Variants in ABCA4 observed in about 807,000 individuals in gnomAD.
ABCA4 encodes the protein ATP binding cassette subfamily A member 4, also known as retinal-specific phospholipid-transporting ATPase ABCA4.
Under a neutral mutation model 263.7 loss-of-function variants are expected in ABCA4, and 196 were observed. The observed-to-expected ratio is 0.74, with a 90% CI of 0.66 to 0.84. The LOEUF (loss-of-function observed/expected upper bound fraction) is 0.84. ABCA4 is among the 40% of genes least tolerant of loss of function. The pLI, the probability that ABCA4 is intolerant of heterozygous loss-of-function variation, is 0.00. For missense variants in ABCA4, 2,792 were observed against 2,855.1 expected (o/e 0.98, Z 0.50); for synonymous variants, 1,133 against 1,094.2 (o/e 1.04, Z -0.70).
At chr1:94,015,875 G>A in intron 36 of ABCA4, 21 bp from the exon 37 acceptor site, 3 of 1,598,308 alleles carry the variant, frequency 1.9e-6, no homozygotes, top group Non-Finnish European at 2.6e-6. Flanking sequence ...GAAGAGGAGA[G>A]CAAGTCACTT....
intron 1 of ABCA4, among the ~76,000 whole-genome samples, chr1:94,118,044 G>A (rs953227396): frequency 6.6e-6 from 1 of 152,044 alleles, no homozygotes; most frequent in Non-Finnish European, 1.5e-5. Flanking sequence ...ATCCACGGGG[G>A]TCAGTGTGGT....
In ABCA4 at chr1:94,031,026, CA is replaced by C. The variant is rs1571264574; in HGVS notation, c.4222del (p.Trp1408GlyfsTer28). 1 of 1,614,034 alleles carries C rather than the reference CA, an allele frequency of 6.2e-7. No homozygotes were observed. The highest frequency in any genetic ancestry group is 1.1e-5 in the South Asian group (1 of 91,056). On this transcript the variant is annotated frameshift_variant, in exon 28 of 50. Coordinates refer to ENST00000370225, the MANE Select transcript of ABCA4 (RefSeq NM_000350.3). LOFTEE classifies it high-confidence loss of function. ...GAAGGTGTACTGCTGCCCATATATCCAGGGGTGAAGGGTCAAAGCGGGGTAT... is the reference window on the plus strand; with the variant it reads ...GAAGGTGTACTGCTGCCCATATATCCGGGGTGAAGGGTCAAAGCGGGGTAT... ...GEYPALTLHP[W>X]IYGQQYTFFS...
rs1659049005 is a variant in ABCA4, at chr1:93,997,799, A to G, written c.6729+62T>C. ...ATGCCTCCCTCTTATGGCAATTCCA[A>G]CCCACACTGGGTGTTCTGGACCAGT... is the stretch of plus-strand genomic sequence containing the variant. On this transcript the variant is annotated intron_variant, in intron 48 of 49. Transcript: ENST00000370225. 14 of 1,609,320 alleles carry G rather than the reference A, an allele frequency of 8.7e-6. 1 individual carries two copies. Among genetic ancestry groups the G allele is most frequent in the Middle Eastern group, 1.7e-4 (1 of 5,830 alleles).
intron 16 of ABCA4, among the ~76,000 whole-genome samples, chr1:94,054,438 T>C (rs1452803007): frequency 6.7e-6 from 1 of 150,302 alleles, no homozygotes; most frequent in Non-Finnish European, 1.5e-5. Context: ...GTAGATCTCT[T>C]CAGTCTGGAA....
At chr1:94,033,505 C>T (rs1375702162) in intron 26 of ABCA4, among the ~76,000 whole-genome samples, 4 of 151,728 alleles carry the variant, frequency 2.6e-5, no homozygotes, top group Admixed American at 2.6e-4. Flanking sequence ...TGGGAGCATG[C>T]TCTAGAAACC....
chr1:94,109,183 A>G (rs1362471313), intron 3 of ABCA4, among the ~76,000 whole-genome samples: 1 of 137,890 alleles, frequency 7.3e-6, no homozygotes, highest in East Asian at 2.3e-4. Context: ...TTGTACATAT[A>G]GGCTAACTGA....
At chr1:94,109,324 G>T (rs1178183543) in intron 3 of ABCA4, among the ~76,000 whole-genome samples, 1 of 152,162 alleles carries the variant, frequency 6.6e-6, no homozygotes, top group Non-Finnish European at 1.5e-5. Context: ...TCACTGGAGG[G>T]TTTATCCAGT....
Position 94,019,752 on chromosome 1 carries a change from T to A in ABCA4, c.5026A>T (p.Thr1676Ser), listed in dbSNP as rs753489583. The change falls in exon 36 of 50, where the codon ACT (threonine) becomes TCT (serine). Residue 1676 changes from threonine (T) to serine (S), a missense_variant. Physicochemically the swap from Thr to Ser is moderately conservative, Grantham distance 58. Coordinates refer to ENST00000370225, the MANE Select transcript of ABCA4 (RefSeq NM_000350.3). ...EQLSEITVLTTSVDAVVAICV... is the reference protein window; with the variant it reads ...EQLSEITVLTSSVDAVVAICV... ...ATGGCAACCACAGCATCCACTGAAG[T>A]GGTCAGCCTGCAGCAGGGCCAGAGA... 4 of 1,612,062 alleles carry A rather than the reference T, an allele frequency of 2.5e-6. No homozygotes were observed. The highest frequency in any genetic ancestry group is 2.7e-5 in the African/African-American group (2 of 74,968).
chr1:94,021,138 C>T (rs2101022617), intron 35 of ABCA4, 102 bp downstream of exon 35: 1 of 1,523,102 alleles, frequency 6.6e-7, no homozygotes, highest in Non-Finnish European at 9.1e-7. Flanking sequence ...AACAGCATTA[C>T]CATCCAAATC....
chr1:94,013,439 T>TGGCAGGGC, intron 38 of ABCA4, among the ~76,000 whole-genome samples: 1 of 152,190 alleles, frequency 6.6e-6, no homozygotes, highest in South Asian at 2.1e-4. Context: ...GAGGTGGGTG[T>TGGCAGGGC]GGCAGGGCAG....
At position 94,036,733 on chromosome 1, in the gene ABCA4, A is replaced by G. The variant is rs1464543803; in HGVS notation, c.3862+7T>C. ...AAGGGAACAAGCCACTGGCTCCAGC[A>G]CCATACCCGCAAACAGAGGTCCTGA... On this transcript the variant is annotated splice_region_variant and intron_variant, in intron 26 of 49. Coordinates refer to ENST00000370225, the MANE Select transcript of ABCA4 (RefSeq NM_000350.3). The G allele has an allele frequency of 2.5e-6, 4 of 1,613,940 alleles. No individual in the cohort carries two copies. The highest frequency in any genetic ancestry group is 2.7e-5 in the African/African-American group (2 of 74,910).
In ABCA4 at chr1:94,014,837, G is replaced by A. The variant is rs112347988; in HGVS notation, c.5313-147C>T. 873 of 1,029,218 alleles carry A rather than the reference G, an allele frequency of 8.5e-4. 9 individuals carry two copies. In the African/African-American group the frequency reaches 0.012, roughly 14 times the overall value. The allele number at this position is 1,029,218 out of a possible 1,614,324, so 63.8% of individuals were successfully genotyped here. A position where few individuals can be genotyped will look rare whatever the true frequency, so the allele number is the denominator to read the frequency against. On this transcript the variant is annotated intron_variant, in intron 37 of 49. Coordinates refer to ENST00000370225, the MANE Select transcript of ABCA4 (RefSeq NM_000350.3). The stretch of plus-strand genomic sequence containing the variant: ...AGGGGACCAGAGAGATACTCCATTT[G>A]TTGGTCTCTGTGCCTCAACTTTAAA...
intron 4 of ABCA4, among the ~76,000 whole-genome samples, chr1:94,106,522 A>T (rs1381405157): frequency 1.3e-5 from 2 of 152,098 alleles, no homozygotes; most frequent in African/African-American, 2.4e-5. Context: ...TACACAGGGG[A>T]AGGGGGATTT....
At chr1:94,074,122 C>T (rs1661476333) in intron 11 of ABCA4, among the ~76,000 whole-genome samples, 1 of 152,176 alleles carries the variant, frequency 6.6e-6, no homozygotes, top group South Asian at 2.1e-4. Context: ...AATTCTGAGC[C>T]AGTCGATCTG....
In ABCA4 at chr1:94,001,866, C is replaced by T; in HGVS notation, c.6274G>A (p.Val2092Met). The T allele has an allele frequency of 6.2e-7, 1 of 1,614,240 alleles. No homozygotes were observed. The highest frequency in any genetic ancestry group is 8.5e-7 in the Non-Finnish European group (1 of 1,180,042). Residue 2092 changes from valine to methionine, a missense_variant, in exon 45 of 50, where the codon GTG (valine) becomes ATG (methionine). Val to Met is a conservative substitution (Grantham distance 21). Transcript: ENST00000370225. Reference sequence around the variant, plus strand: ...CCCAAGCCCGCAGTTACCAGCAGCACCAGCGGTGGGCAGCCAATGAGTGCG... The same window carrying T: ...CCCAAGCCCGCAGTTACCAGCAGCATCAGCGGTGGGCAGCCAATGAGTGCG... Reference protein sequence around the residue: ...AIALIGCPPLVLLDEPTTGMD... With the variant: ...AIALIGCPPLMLLDEPTTGMD...
chr1:94,113,103 G>C (rs777016498), intron 1 of ABCA4, 37 bp from the exon 2 acceptor site: 2 of 1,588,414 alleles, frequency 1.3e-6, no homozygotes, highest in East Asian at 4.5e-5. Context: ...AAGTTCAGTG[G>C]TGCTAAGAGA....
intron 5 of ABCA4, among the ~76,000 whole-genome samples, chr1:94,102,722 T>C (rs1351191802): frequency 6.6e-6 from 1 of 152,162 alleles, no homozygotes; most frequent in Non-Finnish European, 1.5e-5. Context: ...AGATTTCTGT[T>C]TCCTCATCTA....
chr1:93,997,897 G>A lies in ABCA4; in HGVS notation c.6693C>T (p.Ile2231=), dbSNP rs1801626. The change falls in exon 48 of 50, where the codon ATC becomes ATT. Residue 2231 remains isoleucine, a synonymous_variant. Coordinates refer to ENST00000370225, the MANE Select transcript of ABCA4 (RefSeq NM_000350.3). ...TGGTCTGTGTGACTGAGTACTCCTC[G>A]ATGAGCAGGCTGTCCTTGTGGGAGA... ...LLLSHKDSLL[I]EEYSVTQTTL... is the part of the protein sequence containing the mutation. 3.8e-5 allele frequency: 62 copies of A among 1,613,956 alleles called. 1 individual carries two copies. In the South Asian group the frequency reaches 5.6e-4, roughly 15 times the overall value.
At chr1:94,052,556 C>G (rs1416282993) in intron 16 of ABCA4, among the ~76,000 whole-genome samples, 1 of 152,206 alleles carries the variant, frequency 6.6e-6, no homozygotes, top group Admixed American at 6.5e-5. Context: ...TAAATGAAAG[C>G]TTTAGCTTGG....
Sources: allele counts gnomAD v4.1 joint callset (sites outside exome capture counted in the v4.1 genomes callset), GRCh38; gene constraint gnomAD v4.1.1; transcripts MANE v1.5; gene names NCBI Gene and HGNC (gene_info 2026-07-23, HGNC 2026-07-21).